Variants in OSTC observed in about 807,000 individuals in gnomAD.
The protein encoded by OSTC is oligosaccharyltransferase complex subunit OSTC.
OSTC carries 16 observed loss-of-function variants against 16.4 expected under a neutral mutation model. The ratio of observed to expected loss-of-function variants is 0.98; its 90% confidence interval spans 0.66 to 1.49. The LOEUF (loss-of-function observed/expected upper bound fraction) is 1.49. OSTC is among the 40% of genes most tolerant of loss of function. The pLI, the probability that OSTC is intolerant of heterozygous loss-of-function variation, is 0.00. For missense variants in OSTC, 139 were observed against 186.3 expected, an observed-to-expected ratio of 0.75 and a Z score of 1.48; for synonymous variants, 67 against 68.5, an observed-to-expected ratio of 0.98 and a Z score of 0.11.
At chr4:108,656,359 G>C (rs1726701429) in intron 2 of OSTC, among the ~76,000 whole-genome samples, 2 of 151,762 alleles carry the variant, frequency 1.3e-5, no homozygotes, top group African/African-American at 2.4e-5. Context: ...GGGAGTTAAT[G>C]ACAGGTTGAT....
intron 3 of OSTC, among the ~76,000 whole-genome samples, chr4:108,662,751 T>G (rs549926680): frequency 2.0e-5 from 3 of 152,286 alleles, no homozygotes; most frequent in African/African-American, 7.2e-5. Flanking sequence ...TTCATTTCCT[T>G]CCAGATTTGG....
At chr4:108,664,300 GAGAT>G (rs1726938182) in intron 3 of OSTC, among the ~76,000 whole-genome samples, 1 of 149,976 alleles carries the variant, frequency 6.7e-6, no homozygotes, top group South Asian at 2.1e-4. Flanking sequence ...GCTATATTAA[GAGAT>G]AGAGTACAAA....
At chr4:108,651,143 A>C (rs1726529791) in intron 1 of OSTC, 1 of 226,206 alleles carries the variant, frequency 4.4e-6, no homozygotes, top group South Asian at 6.4e-5. Flanking sequence ...CTAATTTGGC[A>C]AACTCCGTTT....
At position 108,650,759 on chromosome 4, in the gene OSTC, C is replaced by G. The variant is rs1726508076; in HGVS notation, c.104C>G (p.Ala35Gly). ...ATGCCGTCGGCCATGACTGTGTATG[C>G]TCTGGTGGTGGTGTCTTACTTCCTC... ...LHMPSAMTVY[A>G]LVVVSYFLIT... is the part of the protein sequence containing the mutation. Residue 35 changes from alanine to glycine, a missense_variant, in exon 1 of 4, where the codon GCT becomes GGT. Ala to Gly is a moderately conservative substitution (Grantham distance 60). Coordinates refer to ENST00000361564, the MANE Select transcript of OSTC (RefSeq NM_021227.4). 1.9e-6 allele frequency: 3 copies of G among 1,614,070 alleles called. No homozygotes were observed. In the South Asian group the frequency reaches 3.3e-5, roughly 18 times the overall value.
At chr4:108,662,380 T>C (rs940468919) in intron 3 of OSTC, among the ~76,000 whole-genome samples, 2 of 152,248 alleles carry the variant, frequency 1.3e-5, no homozygotes, top group Non-Finnish European at 2.9e-5. Flanking sequence ...TTTGTTGTGT[T>C]GTATTACACG....
At chr4:108,659,295 C>T (rs1026479292) in intron 3 of OSTC, among the ~76,000 whole-genome samples, 1 of 151,762 alleles carries the variant, frequency 6.6e-6, no homozygotes, top group African/African-American at 2.4e-5. Flanking sequence ...CTCTTATTTT[C>T]ATTTGGGGAA....
chr4:108,657,348 A>G, intron 2 of OSTC, 102 bp from the exon 3 acceptor site: 1 of 980,780 alleles, frequency 1.0e-6, no homozygotes, highest in Non-Finnish European at 1.5e-6. Flanking sequence ...AATAAGAAAT[A>G]TAGCACAAAA....
Position 108,652,711 on chromosome 4 carries a change from A to C in OSTC, c.139+1917A>C, listed in dbSNP as rs1667925548. 2.0e-5 allele frequency among the ~76,000 whole-genome samples: 3 copies of C among 152,180 alleles called. 1 individual carries two copies. The South Asian group carries it at 6.2e-4, about 31-fold the overall frequency. On this transcript the variant is annotated intron_variant, in intron 1 of 3. Coordinates refer to ENST00000361564, the MANE Select transcript of OSTC (RefSeq NM_021227.4). ...TATAATGTCATAGATGAGACATATTAAATGTCACTTAATTTTTTTGTCCGT... is the reference window on the plus strand; with the variant it reads ...TATAATGTCATAGATGAGACATATTCAATGTCACTTAATTTTTTTGTCCGT...
At chr4:108,659,250 G>A (rs1016528854) in intron 3 of OSTC, among the ~76,000 whole-genome samples, 2 of 151,952 alleles carry the variant, frequency 1.3e-5, no homozygotes, top group African/African-American at 2.4e-5. Context: ...AAAGTGCTGG[G>A]ATTATAGGTG....
chr4:108,655,858 A>G lies in OSTC; in HGVS notation c.233+201A>G, dbSNP rs184430471. Among the ~76,000 whole-genome samples the G allele has an allele frequency of 5.0e-3, 756 of 152,348 alleles. 3 individuals are homozygous for G. The highest frequency in any genetic ancestry group is 0.017 in the African/African-American group (686 of 41,574). ...TATTTATTAAGAAATAAAGTATTTC[A>G]TAATGATGTATCACCAATTTACAGT... is the stretch of plus-strand genomic sequence containing the variant. On this transcript the variant is annotated intron_variant, in intron 2 of 3. Transcript: ENST00000361564.
intron 1 of OSTC, 117 bp from the exon 2 acceptor site, chr4:108,655,447 A>G: frequency 1.7e-6 from 1 of 587,488 alleles, no homozygotes; most frequent in Non-Finnish European, 2.7e-6. Flanking sequence ...AACCTGGGCG[A>G]CAGAGTGAGA....
intron 1 of OSTC, among the ~76,000 whole-genome samples, chr4:108,653,699 A>G (rs1477923919): frequency 2.0e-5 from 3 of 152,196 alleles, no homozygotes. Context: ...GGGTAAAATT[A>G]GTTGGATATG....
chr4:108,655,486 T>C, intron 1 of OSTC, 78 bp from the exon 2 acceptor site: 1 of 928,716 alleles, frequency 1.1e-6, no homozygotes, highest in Non-Finnish European at 1.6e-6. Context: ...AAATGAACCT[T>C]AAGAGACAAT....
chr4:108,651,955 A>C (rs1182279843), intron 1 of OSTC, among the ~76,000 whole-genome samples: 2 of 152,210 alleles, frequency 1.3e-5, no homozygotes, highest in Admixed American at 6.5e-5. Context: ...ATTACATTTA[A>C]ATATTTGAGT....
At chr4:108,661,235 AG>A (rs1255069427) in intron 3 of OSTC, among the ~76,000 whole-genome samples, 87 of 146,286 alleles carry the variant, frequency 5.9e-4, no homozygotes, top group African/African-American at 1.9e-3. Context: ...AAAAAAAAAA[AG>A]AATAAAGAAT....
At chr4:108,651,503 T>G (rs942259968) in intron 1 of OSTC, 5 of 152,220 alleles carry the variant, frequency 3.3e-5, no homozygotes, top group Admixed American at 6.5e-5. Context: ...TATCATCTTA[T>G]TCTGTCCTTT....
intron 3 of OSTC, among the ~76,000 whole-genome samples, chr4:108,666,923 T>G (rs1727024073): frequency 6.6e-6 from 1 of 151,482 alleles, no homozygotes; most frequent in African/African-American, 2.4e-5. Context: ...GAGAACCACT[T>G]GAACCCGGGA....
In OSTC at chr4:108,662,031, C is replaced by A. The variant is rs139975813; in HGVS notation, c.431+4384C>A. Among the ~76,000 whole-genome samples the A allele has an allele frequency of 2.6e-4, 40 of 152,300 alleles. 1 individual carries two copies. In the South Asian group the frequency reaches 4.8e-3, roughly 18 times the overall value. On this transcript the variant is annotated intron_variant, in intron 3 of 3. Transcript: ENST00000361564. ...ACATTCAGGCAAGTCTGTTATAAAG[C>A]TGTATAAAACTACTTGAAATAGATA...
At chr4:108,665,282 A>G (rs1393340531) in intron 3 of OSTC, among the ~76,000 whole-genome samples, 1 of 152,206 alleles carries the variant, frequency 6.6e-6, no homozygotes, top group Non-Finnish European at 1.5e-5. Context: ...AGCAATTACT[A>G]TATGAGTAGA....
Sources: gnomAD v4.1 joint callset for allele counts (sites outside exome capture counted in the v4.1 genomes callset) on GRCh38, gnomAD v4.1.1 for gene constraint, MANE v1.5 for transcripts, NCBI Gene and HGNC (gene_info 2026-07-23, HGNC 2026-07-21) for gene names.